Variants in FAT1 observed in about 807,000 individuals in gnomAD.
FAT1 encodes FAT atypical cadherin 1.
FAT1 carries 171 observed loss-of-function variants against 329.8 expected under a neutral mutation model. The ratio of observed to expected loss-of-function variants is 0.52; its 90% confidence interval spans 0.46 to 0.59. The LOEUF (loss-of-function observed/expected upper bound fraction) is 0.59, where lower values mean the gene tolerates loss of function less well. FAT1 is among the 20% of genes least tolerant of loss of function. The pLI is 0.00. For missense variants in FAT1, 5,672 were observed against 5,774.4 expected (o/e 0.98, Z 0.57); for synonymous variants, 2,233 against 2,228.6 (o/e 1.00, Z -0.06).
chr4:186,612,123 T>C lies in FAT1; in HGVS notation c.9464-348A>G, dbSNP rs184422137. On this transcript the variant is annotated intron_variant, in intron 13 of 26. Coordinates refer to ENST00000441802, the MANE Select transcript of FAT1 (RefSeq NM_005245.4). Reference sequence around the variant, plus strand: ...CGCACCCGGCCAACGCTTTTTTTTTTTTTTTTAAAAACCAAACAAAATTTT... The same window carrying C: ...CGCACCCGGCCAACGCTTTTTTTTTCTTTTTTAAAAACCAAACAAAATTTT... Among the ~76,000 whole-genome samples the C allele has an allele frequency of 3.9e-3, 563 of 143,586 alleles. 6 individuals are homozygous for C. Among genetic ancestry groups the C allele is most frequent in the South Asian group, 0.018 (80 of 4,448 alleles). 94.2% of individuals were successfully genotyped at this position (143,586 alleles called of 152,430 possible).
In FAT1 at chr4:186,628,346, G is replaced by T; in HGVS notation, c.4618C>A (p.Pro1540Thr). The T allele has an allele frequency of 6.2e-7, 1 of 1,612,840 alleles. No homozygotes were observed. The highest frequency in any genetic ancestry group is 1.1e-5 in the South Asian group (1 of 90,880). Residue 1540 changes from proline (P) to threonine (T), a missense_variant, in exon 9 of 27, where the codon CCT becomes ACT. Pro to Thr is a conservative substitution (Grantham distance 38). This residue lies in a region of FAT1 where 3,966 missense variants were observed against 3,915.2 expected (regional missense o/e 1.01). Transcript: ENST00000441802. ...LTVMVRDQDV[P>T]VKRNFARIVV... ...ATCCTTGCAAAGTTGCGTTTTACAGGCACATCTTGATCTCGTACCTAAAAA... is the reference window on the plus strand; with the variant it reads ...ATCCTTGCAAAGTTGCGTTTTACAGTCACATCTTGATCTCGTACCTAAAAA...
At chr4:186,705,778 G>A (rs1174739327) in intron 2 of FAT1, among the ~76,000 whole-genome samples, 1 of 152,216 alleles carries the variant, frequency 6.6e-6, no homozygotes, top group East Asian at 1.9e-4. Context: ...CTGCCTTGGA[G>A]GTCCCGGTTT....
upstream of FAT1, among the ~76,000 whole-genome samples, chr4:186,724,213 G>A (rs1006029550): frequency 7.4e-5 from 11 of 149,356 alleles, no homozygotes; most frequent in Non-Finnish European, 3.0e-5. The surrounding 1 kb of genome is among the most constrained non-coding windows in gnomAD (Gnocchi z 5.3). Context: ...AAAGGCTGGG[G>A]CCTAATGAGA....
At chr4:186,687,456 T>A (rs1395537249) in intron 2 of FAT1, among the ~76,000 whole-genome samples, 2 of 152,212 alleles carry the variant, frequency 1.3e-5, no homozygotes, top group Non-Finnish European at 2.9e-5. Flanking sequence ...TTTCACTTCC[T>A]GTTATTTACG....
At chr4:186,723,480 C>T (rs944803314) in intron 1 of FAT1, among the ~76,000 whole-genome samples, 184 bp downstream of exon 1, 3 of 152,214 alleles carry the variant, frequency 2.0e-5, no homozygotes, top group African/African-American at 7.2e-5. Flanking sequence ...ACCCCCCTAG[C>T]CAGTGCTGAA....
chr4:186,656,309 G>A (rs1741902816), intron 3 of FAT1, among the ~76,000 whole-genome samples: 1 of 152,202 alleles, frequency 6.6e-6, no homozygotes, highest in Non-Finnish European at 1.5e-5. Context: ...CTGCTATCCC[G>A]AGTCCTGGAA....
chr4:186,695,123 A>G (rs908326721), intron 2 of FAT1, among the ~76,000 whole-genome samples: 6 of 152,250 alleles, frequency 3.9e-5, no homozygotes, highest in Admixed American at 1.3e-4. Flanking sequence ...TAATGATACT[A>G]ACAAAAATAG....
chr4:186,671,866 T>C (rs1329084164), intron 2 of FAT1, among the ~76,000 whole-genome samples: 1 of 152,036 alleles, frequency 6.6e-6, no homozygotes, highest in Non-Finnish European at 1.5e-5. Context: ...CTGCCATCAG[T>C]TGGCAAATTT....
intron 13 of FAT1, 34 bp downstream of exon 13, chr4:186,613,075 A>G (rs2126473818): frequency 4.8e-6 from 7 of 1,463,182 alleles, no homozygotes; most frequent in Non-Finnish European, 6.6e-6. Flanking sequence ...GATCTCAGTG[A>G]GCAGCGTCAG....
At chr4:186,718,877 C>T (rs564532852) in intron 1 of FAT1, among the ~76,000 whole-genome samples, 9 of 152,124 alleles carry the variant, frequency 5.9e-5, no homozygotes, top group South Asian at 2.1e-4. Context: ...CAGCCGTTCC[C>T]GCATCACAAG....
chr4:186,639,843 A>G, intron 3 of FAT1, 60 bp from the exon 4 acceptor site: 3 of 1,380,162 alleles, frequency 2.2e-6, no homozygotes, highest in Non-Finnish European at 3.1e-6. Flanking sequence ...AAAATACTGC[A>G]ATTAAAATCA....
rs185238283 is a variant in FAT1 at position 186,714,801 on chromosome 4, T to C, written c.-18-4956A>G. ...TAATATAAATACTCACTAATCCAGC[T>C]GGGCGCGGTGGCTCACGCCTGTAAT... On this transcript the variant is annotated intron_variant, in intron 1 of 26. Transcript: ENST00000441802. 3.7e-3 allele frequency among the ~76,000 whole-genome samples: 563 copies of C among 152,318 alleles called. 5 individuals are homozygous for C. The highest frequency in any genetic ancestry group is 0.013 in the African/African-American group (540 of 41,584).
In FAT1 at chr4:186,647,765, T is replaced by G. The variant is rs535987175; in HGVS notation, c.3581-7982A>C. 1.2e-3 allele frequency among the ~76,000 whole-genome samples: 180 copies of G among 152,336 alleles called. 1 individual carries two copies. Among genetic ancestry groups the G allele is most frequent in the Non-Finnish European group, 2.0e-3 (139 of 68,030 alleles). On this transcript the variant is annotated intron_variant, in intron 3 of 26. Transcript: ENST00000441802. ...CTAAGTTTAAGAACTGTAATCATAGTATTTTTGGTGGTAAAGGAAGTGTCT... is the reference window on the plus strand; with the variant it reads ...CTAAGTTTAAGAACTGTAATCATAGGATTTTTGGTGGTAAAGGAAGTGTCT...
At chr4:186,699,999 T>C (rs191179919) in intron 2 of FAT1, among the ~76,000 whole-genome samples, 1 of 151,992 alleles carries the variant, frequency 6.6e-6, no homozygotes, top group Admixed American at 6.6e-5. Context: ...TCCTTAAACA[T>C]CCTTAGGACA....
At chr4:186,606,801 G>A (rs1256385985) in intron 16 of FAT1, among the ~76,000 whole-genome samples, 2 of 152,174 alleles carry the variant, frequency 1.3e-5, no homozygotes, top group Non-Finnish European at 2.9e-5. Flanking sequence ...TCTTTTTCAG[G>A]GCAGTTCCCT....
intron 2 of FAT1, among the ~76,000 whole-genome samples, chr4:186,667,012 A>G (rs943570724): frequency 2.0e-5 from 3 of 152,176 alleles, no homozygotes; most frequent in South Asian, 2.1e-4. Context: ...CAAACTTCCT[A>G]TTTCATCCAC....
At chr4:186,695,307 T>C (rs1441331701) in intron 2 of FAT1, among the ~76,000 whole-genome samples, 1 of 152,220 alleles carries the variant, frequency 6.6e-6, no homozygotes, top group Non-Finnish European at 1.5e-5. Context: ...CTCAGGTATA[T>C]TCACCTGGAA....
intron 11 of FAT1, among the ~76,000 whole-genome samples, chr4:186,616,025 A>T (rs958324427): frequency 2.6e-5 from 4 of 151,870 alleles, no homozygotes; most frequent in Non-Finnish European, 5.9e-5. Flanking sequence ...CTCATGTAGA[A>T]AGTCGGGCTC....
At chr4:186,609,079 C>T (rs960434841) in intron 16 of FAT1, 104 bp downstream of exon 16, 36 of 1,278,664 alleles carry the variant, frequency 2.8e-5, no homozygotes, top group Non-Finnish European at 3.6e-5. Flanking sequence ...GTTCTTGAGG[C>T]GGTCAGTCCT....
Sources: allele counts gnomAD v4.1 joint callset (sites outside exome capture counted in the v4.1 genomes callset), GRCh38; gene constraint gnomAD v4.1.1; regional missense constraint gnomAD v4.1.1; non-coding constraint Gnocchi (gnomAD v3.1); transcripts MANE v1.5; gene names NCBI Gene and HGNC (gene_info 2026-07-23, HGNC 2026-07-21).